CHD9: variants seen among roughly 807,000 people sequenced by gnomAD.
CHD9 encodes the protein chromodomain helicase DNA binding protein 9.
CHD9 carries 77 observed loss-of-function variants against 316.1 expected under a neutral mutation model. That is an observed-to-expected ratio of 0.24 (90% CI 0.20 to 0.29). The LOEUF is 0.29. Among genes scored for constraint, CHD9 ranks in the 10% least tolerant of loss-of-function variants. The probability of loss-of-function intolerance (pLI) is 1.00; values close to 1 mark genes in which losing one functional copy is unlikely to be tolerated. For missense variants in CHD9, 2,763 were observed against 3,438.1 expected (o/e 0.80, Z 4.91); for synonymous variants, 1,129 against 1,158.3 (o/e 0.97, Z 0.51).
intron 2 of CHD9, among the ~76,000 whole-genome samples, chr16:53,197,558 TTTTAAATA>T (rs142799727): frequency 0.033 from 5,059 of 152,226 alleles, 286 homozygotes; most frequent in African/African-American, 0.12. Context: ...TTCTTGATTA[TTTTAAATA>T]TTAACACTTT....
At chr16:53,312,590 G>A (rs1353981277) in intron 34 of CHD9, among the ~76,000 whole-genome samples, 1 of 152,144 alleles carries the variant, frequency 6.6e-6, no homozygotes, top group Non-Finnish European at 1.5e-5. Context: ...TGGGACAGAT[G>A]TGTAGATCAA....
At chr16:53,137,451 A>G (rs2039803898) in intron 1 of CHD9, among the ~76,000 whole-genome samples, 1 of 152,200 alleles carries the variant, frequency 6.6e-6, no homozygotes, top group Non-Finnish European at 1.5e-5. Flanking sequence ...TGGAAGTGGA[A>G]AAACTGGTCA....
At chr16:53,080,425 C>CA (rs2034920920) in intron 1 of CHD9, among the ~76,000 whole-genome samples, 1 of 152,136 alleles carries the variant, frequency 6.6e-6, no homozygotes, top group Admixed American at 6.5e-5. Context: ...TAAGGAGTGT[C>CA]ACTCTACACC....
chr16:53,208,701 T>C lies in CHD9; in HGVS notation c.1453-781T>C, dbSNP rs932986359. The C allele has an allele frequency of 6.1e-6, 6 of 988,108 alleles. No individual in the cohort carries two copies. The African/African-American group carries it at 1.0e-4, about 17-fold the overall frequency. 61.2% of individuals were successfully genotyped at this position (988,108 alleles called of 1,614,324 possible). A position where few individuals can be genotyped will look rare whatever the true frequency, so the allele number is the denominator to read the frequency against. On this transcript the variant is annotated intron_variant, in intron 2 of 38. Coordinates refer to ENST00000447540, the MANE Select transcript of CHD9 (RefSeq NM_001308319.2). Reference sequence around the variant, plus strand: ...TTTTCCTTTGGTATAGTCAGAGGCATGTTTACGGGTAAGAACATAACAAAA... The same window carrying C: ...TTTTCCTTTGGTATAGTCAGAGGCACGTTTACGGGTAAGAACATAACAAAA...
chr16:53,238,640 A>G (rs1026404145), intron 12 of CHD9, 54 bp downstream of exon 12: 69 of 1,554,500 alleles, frequency 4.4e-5, no homozygotes, highest in Non-Finnish European at 6.1e-5. Flanking sequence ...TGAAAAAGAT[A>G]AGCATTACCT....
intron 2 of CHD9, 116 bp downstream of exon 2, chr16:53,157,657 G>A (rs1043956854): frequency 2.1e-6 from 2 of 950,956 alleles, no homozygotes; most frequent in East Asian, 5.0e-5. Context: ...ATTCCATTAA[G>A]TGAACATACA....
Position 53,226,518 on chromosome 16 carries a change from C to T in CHD9, c.2043+6C>T, listed in dbSNP as rs2047668336. 1.3e-6 allele frequency: 2 copies of T among 1,591,766 alleles called. No homozygotes were observed. The highest frequency in any genetic ancestry group is 2.3e-5 in the South Asian group (2 of 85,604). On this transcript the variant is annotated splice_donor_region_variant and intron_variant, in intron 5 of 38. Coordinates refer to ENST00000447540, the MANE Select transcript of CHD9 (RefSeq NM_001308319.2). ...AGCCTTTACAATTGTTTGTGGTAAG[C>T]ATATTTGGGATTATGACTGCAAAAC...
rs746032556 is a variant in CHD9, at chr16:53,156,938, A to G, written c.849A>G (p.Pro283=). 4 of 1,613,640 alleles carry G rather than the reference A, an allele frequency of 2.5e-6. No individual in the cohort carries two copies. The East Asian group carries it at 6.7e-5, about 27-fold the overall frequency. The change falls in exon 2 of 39, where the codon CCA becomes CCG. Residue 283 remains proline, a synonymous_variant. Transcript: ENST00000447540. ...CCTTTTCCAGTAATCATATATCACC[A>G]AACAGTCTACTTCAGTCCTCTGCAG... is the stretch of plus-strand genomic sequence containing the variant. ...HYSFSSNHIS[P]NSLLQSSAVL...
At chr16:53,184,924 G>T (rs1341807414) in intron 2 of CHD9, among the ~76,000 whole-genome samples, 1 of 152,086 alleles carries the variant, frequency 6.6e-6, no homozygotes, top group African/African-American at 2.4e-5. Context: ...ATGTGAAGAA[G>T]GACATAATTG....
intron 1 of CHD9, among the ~76,000 whole-genome samples, chr16:53,055,762 T>A (rs1302203433): frequency 6.6e-6 from 1 of 152,048 alleles, no homozygotes; most frequent in Non-Finnish European, 1.5e-5. Flanking sequence ...AAACCCAAGA[T>A]AACAAACTAA....
At chr16:53,108,081 C>A (rs2037511343) in intron 1 of CHD9, among the ~76,000 whole-genome samples, 1 of 152,162 alleles carries the variant, frequency 6.6e-6, no homozygotes, top group South Asian at 2.1e-4. Flanking sequence ...CATAAACTTT[C>A]CTTGTGGTAT....
rs943626800 is a variant in CHD9, at chr16:53,255,475, T to C, written c.4030-125T>C. 9.6e-5 allele frequency: 68 copies of C among 705,198 alleles called. No individual in the cohort carries two copies. The South Asian group carries it at 1.0e-3, about 11-fold the overall frequency. The allele number at this position is 705,198 out of a possible 1,614,324, so 43.7% of individuals were successfully genotyped here. ...TATTATTTCTGTGAATTCTCTCTTA[T>C]GCGCATCCCAAACCCAAATGCAGTT... On this transcript the variant is annotated intron_variant, in intron 18 of 38. Transcript: ENST00000447540.
intron 2 of CHD9, among the ~76,000 whole-genome samples, chr16:53,170,081 T>C (rs1031363180): frequency 6.6e-6 from 1 of 150,780 alleles, no homozygotes; most frequent in Non-Finnish European, 1.5e-5. Context: ...TTGGTGAGAA[T>C]GCTGTATATA....
intron 21 of CHD9, among the ~76,000 whole-genome samples, 191 bp downstream of exon 21, chr16:53,267,681 T>A (rs925539778): frequency 6.6e-6 from 1 of 152,202 alleles, no homozygotes; most frequent in Non-Finnish European, 1.5e-5. Flanking sequence ...TTTCAAAGTA[T>A]CACTAAAGTC....
intron 36 of CHD9, among the ~76,000 whole-genome samples, chr16:53,317,790 A>C (rs2056992391): frequency 6.6e-6 from 1 of 152,182 alleles, no homozygotes; most frequent in African/African-American, 2.4e-5. Context: ...GTGGTGGCTC[A>C]CATCTGTAAT....
chr16:53,246,421 T>TATCC (rs2152957768), intron 15 of CHD9, among the ~76,000 whole-genome samples: 1 of 152,324 alleles, frequency 6.6e-6, no homozygotes, highest in South Asian at 2.1e-4. Flanking sequence ...TGATTTGGAT[T>TATCC]ATCCGAAGGA....
chr16:53,319,859 TC>T, intron 37 of CHD9: 1 of 1,252,032 alleles, frequency 8.0e-7, no homozygotes, highest in Non-Finnish European at 1.0e-6. Flanking sequence ...ACCTGCTAAA[TC>T]CCCATAAACC....
chr16:53,123,702 A>G (rs2038846215), intron 1 of CHD9, among the ~76,000 whole-genome samples: 1 of 151,936 alleles, frequency 6.6e-6, no homozygotes, highest in Non-Finnish European at 1.5e-5. Flanking sequence ...GGGTTTCACT[A>G]TGTTGTCCAT....
chr16:53,055,481 T>C (rs2031955827), intron 1 of CHD9, among the ~76,000 whole-genome samples: 1 of 141,934 alleles, frequency 7.0e-6, no homozygotes, highest in African/African-American at 2.8e-5. Flanking sequence ...ACCGATGCCC[T>C]AGTTCCACCC....
Sources: gnomAD v4.1 joint callset for allele counts (sites outside exome capture counted in the v4.1 genomes callset) on GRCh38, gnomAD v4.1.1 for gene constraint, MANE v1.5 for transcripts, NCBI Gene and HGNC (gene_info 2026-07-23, HGNC 2026-07-21) for gene names.